JAG1: variants seen among roughly 807,000 people sequenced by gnomAD.
JAG1 encodes protein jagged-1.
JAG1 carries 23 observed loss-of-function variants against 148.7 expected under a neutral mutation model. The ratio of observed to expected loss-of-function variants is 0.15; its 90% confidence interval spans 0.11 to 0.22. JAG1 has a LOEUF of 0.22. Among genes scored for constraint, JAG1 ranks in the 10% least tolerant of loss-of-function variants. JAG1 has a pLI of 1.00. For missense variants in JAG1, 1,054 were observed against 1,611.2 expected (o/e 0.65, Z 5.92); for synonymous variants, 572 against 598.3 (o/e 0.96, Z 0.64).
At position 10,652,746 on chromosome 20, in the gene JAG1, G is replaced by A. The variant is rs757538779; in HGVS notation, c.756-148C>T. 552 of 730,460 alleles carry A rather than the reference G, an allele frequency of 7.6e-4. 2 individuals carry two copies. Among genetic ancestry groups the A allele is most frequent in the Non-Finnish European group, 1.1e-3 (489 of 444,022 alleles). 45.2% of individuals were successfully genotyped at this position (730,460 alleles called of 1,614,324 possible). On this transcript the variant is annotated intron_variant, in intron 5 of 25. Transcript: ENST00000254958. The stretch of plus-strand genomic sequence containing the variant: ...ACTCCCAAGGCTCATCAGGGGCTCC[G>A]TATAAACAAACATTTTCACAGTTGA...
At chr20:10,669,479 G>T (rs775244401) in intron 2 of JAG1, among the ~76,000 whole-genome samples, 2 of 136,356 alleles carry the variant, frequency 1.5e-5, no homozygotes, top group Admixed American at 8.2e-5. Flanking sequence ...GGTCATTCAG[G>T]CCTGAAGCAT....
intron 25 of JAG1, 106 bp from the exon 26 acceptor site, chr20:10,640,061 AAG>A (rs2067259684): frequency 1.1e-6 from 1 of 879,588 alleles, no homozygotes; most frequent in East Asian, 2.6e-5. Context: ...CTTTATCCCT[AAG>A]AGGGGGGCCA....
chr20:10,650,923 C>CT (rs1222401191), intron 8 of JAG1: 1 of 161,778 alleles, frequency 6.2e-6, no homozygotes, highest in Non-Finnish European at 1.4e-5. Flanking sequence ...CGGGGAGCTT[C>CT]TGTGGCCTGC....
intron 14 of JAG1, 65 bp from the exon 15 acceptor site, chr20:10,646,149 C>A: frequency 8.4e-7 from 1 of 1,184,118 alleles, no homozygotes; most frequent in Non-Finnish European, 1.3e-6. Context: ...AAGCACTGTT[C>A]AGCAGTTTTC....
chr20:10,649,549 C>T lies in JAG1; in HGVS notation c.1321G>A (p.Gly441Ser), dbSNP rs1327002160. 44 of 1,612,446 alleles carry T rather than the reference C, an allele frequency of 2.7e-5. No individual in the cohort carries two copies. Among genetic ancestry groups the T allele is most frequent in the Non-Finnish European group, 3.4e-5 (40 of 1,178,598 alleles). ...IASYYCDCLP[G>S]WMGQNCDINI... ...ATGTCACAATTCTGACCCATCCAGCCGGGAAGACAGTCGCAGTAGTAGCTG... is the reference window on the plus strand; with the variant it reads ...ATGTCACAATTCTGACCCATCCAGCTGGGAAGACAGTCGCAGTAGTAGCTG... The change falls in exon 10 of 26, where the codon GGC becomes AGC. Residue 441 changes from glycine (G) to serine (S), a missense_variant. Physicochemically the swap from Gly to Ser is moderately conservative, Grantham distance 56. This residue lies in a region of JAG1 where 245 missense variants were observed against 373.1 expected (regional missense o/e 0.66). Transcript: ENST00000254958.
chr20:10,659,843 G>A (rs1399901602), intron 3 of JAG1, among the ~76,000 whole-genome samples: 1 of 152,110 alleles, frequency 6.6e-6, no homozygotes, highest in Non-Finnish European at 1.5e-5. Flanking sequence ...TGTAGTCCCT[G>A]CCCTGAGGCC....
rs35826283 is a variant in JAG1 at position 10,659,559 on chromosome 20, C to CTTTTTTTTT, written c.440-846_440-838dup. Among the ~76,000 whole-genome samples the CTTTTTTTTT allele has an allele frequency of 6.7e-3, 706 of 105,142 alleles. 115 individuals are homozygous for CTTTTTTTTT. The highest frequency in any genetic ancestry group is 0.025 in the African/African-American group (669 of 27,206). 69.0% of individuals were successfully genotyped at this position (105,142 alleles called of 152,430 possible). ...GGAAGCCAAGGAGACGATTAAGTTACTTTTTTTTTTTTTTTTTTTTTTTTT... is the reference window on the plus strand; with the variant it reads ...GGAAGCCAAGGAGACGATTAAGTTACTTTTTTTTTTTTTTTTTTTTTTTTTTTTTTTTTT... On this transcript the variant is annotated intron_variant, in intron 3 of 25. Coordinates refer to ENST00000254958, the MANE Select transcript of JAG1 (RefSeq NM_000214.3).
At position 10,652,133 on chromosome 20, in the gene JAG1, A is replaced by T; in HGVS notation, c.1004T>A (p.Ile335Asn). 6.2e-7 allele frequency: 1 copy of T among 1,614,048 alleles called. No individual in the cohort carries two copies. The highest frequency in any genetic ancestry group is 1.1e-5 in the South Asian group (1 of 91,086). ...PEGYSGPNCE[I>N]AEHACLSDPC... Reference sequence around the variant, plus strand: ...CTCATTCATCTTGGACCACTTACCAATTTCACAGTTGGGTCCTGAATACCC... The same window carrying T: ...CTCATTCATCTTGGACCACTTACCATTTTCACAGTTGGGTCCTGAATACCC... The change falls in exon 7 of 26, where the codon ATT becomes AAT. Residue 335 changes from isoleucine to asparagine, a missense_variant and splice_region_variant. Physicochemically the swap from Ile to Asn is moderately radical, Grantham distance 149. Transcript: ENST00000254958.
intron 2 of JAG1, among the ~76,000 whole-genome samples, chr20:10,665,810 C>T (rs972758972): frequency 2.6e-5 from 4 of 152,114 alleles, no homozygotes; most frequent in Admixed American, 6.5e-5. Context: ...GGGAAGGTGC[C>T]GGGACTGAGC....
chr20:10,665,301 C>G (rs1423093207), intron 2 of JAG1, among the ~76,000 whole-genome samples: 1 of 152,062 alleles, frequency 6.6e-6, no homozygotes, highest in African/African-American at 2.4e-5. Context: ...TGTGATAGAC[C>G]CTGCCTTGGA....
intron 8 of JAG1, 178 bp downstream of exon 8, chr20:10,651,403 T>C: frequency 1.7e-6 from 1 of 597,406 alleles, no homozygotes; most frequent in East Asian, 2.8e-5. Flanking sequence ...TGGGACAGGA[T>C]GGGGGTGCTG....
chr20:10,658,348 G>T, intron 4 of JAG1, 120 bp downstream of exon 4: 2 of 1,339,900 alleles, frequency 1.5e-6, no homozygotes, highest in Non-Finnish European at 2.1e-6. Flanking sequence ...TGCAGGCCCA[G>T]AATAACAGCC....
At chr20:10,646,668 TGGGCGTGG>T (rs1328682545) in intron 14 of JAG1, among the ~76,000 whole-genome samples, 2 of 151,760 alleles carry the variant, frequency 1.3e-5, no homozygotes, top group Admixed American at 1.3e-4. Flanking sequence ...CAAAATTAGC[TGGGCGTGG>T]TGGGCGTGGT....
intron 20 of JAG1, 37 bp from the exon 21 acceptor site, chr20:10,642,638 T>C (rs2067281067): frequency 8.6e-7 from 1 of 1,158,336 alleles, no homozygotes; most frequent in Admixed American, 1.7e-5. Flanking sequence ...GGACTGATGG[T>C]GTGTGGCAAT....
rs1314679763 is a variant in JAG1, at chr20:10,639,405, G to GAC, written c.*92_*93insGT. The GAC allele has an allele frequency of 8.7e-7, 1 of 1,143,318 alleles. No individual in the cohort carries two copies. The highest frequency in any genetic ancestry group is 1.3e-6 in the Non-Finnish European group (1 of 751,114). 70.8% of individuals were successfully genotyped at this position (1,143,318 alleles called of 1,614,324 possible). On this transcript the variant is annotated 3_prime_UTR_variant, in exon 26 of 26. Transcript: ENST00000254958. Reference sequence around the variant, plus strand: ...ACTTAAATTAACACAGGGATTCTAAGTCAGCAACGGCCTCAGACTCGAGTA... The same window carrying GAC: ...ACTTAAATTAACACAGGGATTCTAAGACTCAGCAACGGCCTCAGACTCGAGTA...
At position 10,665,145 on chromosome 20, in the gene JAG1, C is replaced by T. The variant is rs192097427; in HGVS notation, c.388-1131G>A. Among the ~76,000 whole-genome samples the T allele has an allele frequency of 2.6e-3, 389 of 152,200 alleles. 5 individuals carry two copies. The highest frequency in any genetic ancestry group is 8.8e-3 in the African/African-American group (365 of 41,506). On this transcript the variant is annotated intron_variant, in intron 2 of 25. Coordinates refer to ENST00000254958, the MANE Select transcript of JAG1 (RefSeq NM_000214.3). ...ATACCGTGCTGTGCCACCAGAAGCACACTGCTGCCAAGAGAAGAGAAAGCA... is the reference window on the plus strand; with the variant it reads ...ATACCGTGCTGTGCCACCAGAAGCATACTGCTGCCAAGAGAAGAGAAAGCA...
intron 13 of JAG1, chr20:10,647,381 C>A (rs1384642794): frequency 3.9e-6 from 2 of 517,302 alleles, no homozygotes; most frequent in Non-Finnish European, 7.0e-6. Flanking sequence ...TGACATCTAC[C>A]CAATTTGGTA....
chr20:10,665,339 A>G (rs2067446390), intron 2 of JAG1, among the ~76,000 whole-genome samples: 1 of 152,184 alleles, frequency 6.6e-6, no homozygotes, highest in East Asian at 1.9e-4. Flanking sequence ...TTCATACTCA[A>G]AGCAGAGTAG....
At chr20:10,643,221 C>G (rs1272882000) in intron 20 of JAG1, among the ~76,000 whole-genome samples, 1 of 152,226 alleles carries the variant, frequency 6.6e-6, no homozygotes, top group East Asian at 1.9e-4. Flanking sequence ...CATAACTACT[C>G]TAGCACCTTT....
Sources: gnomAD v4.1 joint callset for allele counts (sites outside exome capture counted in the v4.1 genomes callset) on GRCh38, gnomAD v4.1.1 for gene constraint, gnomAD v4.1.1 regional missense constraint, MANE v1.5 for transcripts, NCBI Gene and HGNC (gene_info 2026-07-23, HGNC 2026-07-21) for gene names.